The following ST6GALNAC3 variants were observed in gnomAD, a reference collection of about 807,000 sequenced individuals.
ST6GALNAC3 encodes the protein alpha-N-acetylgalactosaminide alpha-2,6-sialyltransferase 3.
In ST6GALNAC3, 25 loss-of-function variants were observed where a neutral mutation model predicts 32.7. The observed-to-expected ratio is 0.76, with a 90% CI of 0.56 to 1.07. ST6GALNAC3 has a LOEUF of 1.07. Among genes scored for constraint, ST6GALNAC3 ranks in the 50% least tolerant of loss-of-function variants. The pLI is 0.00. For missense variants in ST6GALNAC3, 355 were observed against 382.4 expected (o/e 0.93, Z 0.60); for synonymous variants, 129 against 133.1 (o/e 0.97, Z 0.21).
chr1:76,614,718 CAAAAAAAAAAAAAAAAAAAAAA>C (rs55744575), intron 3 of ST6GALNAC3, among the ~76,000 whole-genome samples: 2 of 67,522 alleles, frequency 3.0e-5, no homozygotes, highest in African/African-American at 6.8e-5. Flanking sequence ...GACTCCATCT[CAAAAAAAAAAAAAAAAAAAAAA>C]AAAAAAAAAA....
chr1:76,451,915 C>T (rs755264072), intron 3 of ST6GALNAC3, among the ~76,000 whole-genome samples: 1 of 152,144 alleles, frequency 6.6e-6, no homozygotes, highest in African/African-American at 2.4e-5. Context: ...TTAATTCTTT[C>T]TCTTATCTGA....
chr1:76,220,676 T>C (rs1320623474), intron 1 of ST6GALNAC3, among the ~76,000 whole-genome samples: 1 of 152,130 alleles, frequency 6.6e-6, no homozygotes, highest in Non-Finnish European at 1.5e-5. Context: ...TTAAGCCAGG[T>C]CCTGAAGGAG....
At chr1:76,313,453 C>A (rs1025212750) in intron 1 of ST6GALNAC3, among the ~76,000 whole-genome samples, 2 of 151,988 alleles carry the variant, frequency 1.3e-5, no homozygotes, top group African/African-American at 4.8e-5. Context: ...GGGGTCAAAG[C>A]ATGGTGGTGA....
chr1:76,577,955 G>T (rs974802355), intron 3 of ST6GALNAC3, among the ~76,000 whole-genome samples: 1 of 152,020 alleles, frequency 6.6e-6, no homozygotes, highest in Non-Finnish European at 1.5e-5. Flanking sequence ...AATGACAGAC[G>T]ATTCTTTTTG....
intron 1 of ST6GALNAC3, among the ~76,000 whole-genome samples, chr1:76,219,995 G>A (rs1307947034): frequency 1.3e-5 from 2 of 152,042 alleles, no homozygotes; most frequent in Admixed American, 1.3e-4. Flanking sequence ...ATGAGAAGGA[G>A]GCTTATTATT....
intron 1 of ST6GALNAC3, among the ~76,000 whole-genome samples, chr1:76,133,016 G>C (rs1035839190): frequency 7.9e-5 from 12 of 152,142 alleles, no homozygotes; most frequent in African/African-American, 2.9e-4. Context: ...AGTGGCATCA[G>C]TTTGTCTCGG....
At chr1:76,201,633 C>A (rs770200438) in intron 1 of ST6GALNAC3, among the ~76,000 whole-genome samples, 1 of 151,132 alleles carries the variant, frequency 6.6e-6, no homozygotes, top group East Asian at 1.9e-4. Flanking sequence ...AGAATATAGG[C>A]GGTAGGGAGA....
intron 3 of ST6GALNAC3, among the ~76,000 whole-genome samples, chr1:76,462,210 G>A (rs1219510907): frequency 6.6e-6 from 1 of 150,530 alleles, no homozygotes; most frequent in Non-Finnish European, 1.5e-5. Context: ...TTCAAAGTTT[G>A]TGGAATGAAT....
At chr1:76,206,625 G>A (rs1403919163) in intron 1 of ST6GALNAC3, among the ~76,000 whole-genome samples, 1 of 152,066 alleles carries the variant, frequency 6.6e-6, no homozygotes, top group African/African-American at 2.4e-5. Context: ...CTACTCGGGA[G>A]GCTGAGGCAG....
At chr1:76,581,401 T>C (rs1269789188) in intron 3 of ST6GALNAC3, among the ~76,000 whole-genome samples, 1 of 152,190 alleles carries the variant, frequency 6.6e-6, no homozygotes, top group Non-Finnish European at 1.5e-5. Context: ...GCATGTGTTA[T>C]AATAAAATTA....
intron 2 of ST6GALNAC3, among the ~76,000 whole-genome samples, chr1:76,348,060 G>T (rs114304247): frequency 6.6e-6 from 1 of 152,086 alleles, no homozygotes; most frequent in Non-Finnish European, 1.5e-5. Flanking sequence ...ACTGTTTTTC[G>T]TAGAAGCCTA....
At chr1:76,341,625 CT>C (rs946441466) in intron 2 of ST6GALNAC3, among the ~76,000 whole-genome samples, 1 of 126,126 alleles carries the variant, frequency 7.9e-6, no homozygotes, top group African/African-American at 3.3e-5. Context: ...TTCTTTCTTT[CT>C]TTCTTTCTTT....
chr1:76,351,094 T>G (rs767004265), intron 2 of ST6GALNAC3, among the ~76,000 whole-genome samples: 8 of 152,188 alleles, frequency 5.3e-5, no homozygotes, highest in Non-Finnish European at 1.0e-4. Context: ...TTACTAGAAT[T>G]TCTTTTGAGT....
chr1:76,517,740 A>G (rs957084174), intron 3 of ST6GALNAC3, among the ~76,000 whole-genome samples: 2 of 148,142 alleles, frequency 1.4e-5, no homozygotes, highest in Admixed American at 6.7e-5. Flanking sequence ...AGCCTATTTT[A>G]GTATATATTC....
chr1:76,260,073 A>T (rs540148917), intron 1 of ST6GALNAC3, among the ~76,000 whole-genome samples: 1 of 151,998 alleles, frequency 6.6e-6, no homozygotes, highest in Non-Finnish European at 1.5e-5. Flanking sequence ...TACCTGCTTC[A>T]GGGCCTTTGA....
At chr1:76,218,298 C>T (rs780224390) in intron 1 of ST6GALNAC3, among the ~76,000 whole-genome samples, 5 of 152,240 alleles carry the variant, frequency 3.3e-5, no homozygotes, top group Admixed American at 1.3e-4. Flanking sequence ...CACCTTCAGG[C>T]AGAGCAGTCC....
At chr1:76,415,551 T>A (rs1654560572) in intron 3 of ST6GALNAC3, among the ~76,000 whole-genome samples, 1 of 152,062 alleles carries the variant, frequency 6.6e-6, no homozygotes, top group African/African-American at 2.4e-5. Context: ...TAAAATTATA[T>A]CCTTATGCTC....
At chr1:76,566,921 C>T (rs183940291) in intron 3 of ST6GALNAC3, among the ~76,000 whole-genome samples, 12 of 152,202 alleles carry the variant, frequency 7.9e-5, no homozygotes, top group African/African-American at 2.9e-4. Context: ...TCCATTTTAC[C>T]ATTGAAAATT....
chr1:76,196,813 G>A (rs886626784), intron 1 of ST6GALNAC3, among the ~76,000 whole-genome samples: 2 of 152,100 alleles, frequency 1.3e-5, no homozygotes, highest in Non-Finnish European at 2.9e-5. Flanking sequence ...TGCAAGGTTT[G>A]ATGCCCTTTT....
Sources: allele counts gnomAD v4.1 joint callset (sites outside exome capture counted in the v4.1 genomes callset), GRCh38; gene constraint gnomAD v4.1.1; transcripts MANE v1.5; gene names NCBI Gene and HGNC (gene_info 2026-07-23, HGNC 2026-07-21).